Variants in SDK1 observed in about 807,000 individuals in gnomAD.
SDK1 encodes the protein sidekick cell adhesion molecule 1.
A neutral mutation model predicts 245.5 loss-of-function variants in SDK1; 157 were observed. The observed-to-expected ratio is 0.64, with a 90% CI of 0.56 to 0.73. The LOEUF (loss-of-function observed/expected upper bound fraction) is 0.73, where lower values mean the gene tolerates loss of function less well. Ranked by LOEUF, SDK1 falls within the 30% of genes least tolerant of loss-of-function variation. The pLI is 0.00. For synonymous variants in SDK1, 1,647 were observed against 1,278.5 expected, an observed-to-expected ratio of 1.29 and a Z score of -6.15; for missense variants, 3,583 against 3,002.3, an observed-to-expected ratio of 1.19 and a Z score of -4.52.
intron 4 of SDK1, among the ~76,000 whole-genome samples, chr7:3,749,286 G>A (rs747980013): frequency 1.3e-5 from 2 of 151,406 alleles, no homozygotes; most frequent in East Asian, 2.0e-4. Context: ...ACAGGTGTGT[G>A]CCACCACGCC....
rs1339527979 is a variant in SDK1 at position 4,175,796 on chromosome 7, T to C, written c.4958T>C (p.Val1653Ala). 1 of 1,613,968 alleles carries C rather than the reference T, an allele frequency of 6.2e-7. No homozygotes were observed. The highest frequency in any genetic ancestry group is 8.5e-7 in the Non-Finnish European group (1 of 1,180,010). ...ELTAQSSFKT[V>A]NSSSTSTMCE... ...ATAGCCCAAAGCAGCTTCAAGACGG[T>C]GAACAGCAGCTCCACATCGACGATG... Residue 1653 changes from valine to alanine, a missense_variant, in exon 34 of 45, where the codon GTG becomes GCG. Transcript: ENST00000404826.
intron 32 of SDK1, among the ~76,000 whole-genome samples, chr7:4,173,259 C>T (rs996864625): frequency 1.3e-5 from 2 of 152,228 alleles, no homozygotes; most frequent in African/African-American, 4.8e-5. Context: ...TGCTCGGAGG[C>T]TCAGCACCCA....
At chr7:3,747,699 GT>G (rs1374850372) in intron 4 of SDK1, among the ~76,000 whole-genome samples, 1,203 of 101,520 alleles carry the variant, frequency 0.012, 20 homozygotes, top group African/African-American at 0.1. Context: ...TTAGCCTGGG[GT>G]GTGTGTGTGT....
intron 35 of SDK1, among the ~76,000 whole-genome samples, chr7:4,198,849 T>C (rs1042539226): frequency 1.3e-5 from 2 of 151,578 alleles, no homozygotes; most frequent in African/African-American, 4.9e-5. Context: ...AGTCTTGCTT[T>C]GTCGCCCAGG....
intron 1 of SDK1, among the ~76,000 whole-genome samples, chr7:3,468,483 C>T (rs184237690): frequency 6.6e-6 from 1 of 152,302 alleles, no homozygotes; most frequent in Non-Finnish European, 1.5e-5. Flanking sequence ...ACCCCTTTCC[C>T]CATAGCCAGC....
At chr7:4,256,585 G>A (rs746913956) in intron 44 of SDK1, among the ~76,000 whole-genome samples, 11 of 152,364 alleles carry the variant, frequency 7.2e-5, no homozygotes, top group Admixed American at 3.9e-4. Flanking sequence ...GGTTTAAGAC[G>A]TTTATCCTCT....
chr7:3,600,155 C>G (rs10256761), intron 1 of SDK1, among the ~76,000 whole-genome samples: 84,365 of 151,858 alleles, frequency 0.56, 23,746 homozygotes, highest in South Asian at 0.76. Context: ...AAAGTTTATA[C>G]CTAAGTATAT....
intron 22 of SDK1, among the ~76,000 whole-genome samples, chr7:4,099,611 G>T (rs536040177): frequency 7.8e-6 from 1 of 128,492 alleles, no homozygotes. Context: ...ACTACCTCCA[G>T]GTGAGCTGCT....
chr7:3,318,042 T>G (rs975643896), intron 1 of SDK1, among the ~76,000 whole-genome samples: 1 of 152,208 alleles, frequency 6.6e-6, no homozygotes, highest in African/African-American at 2.4e-5. Context: ...TCATGAGTAT[T>G]TGTTCGCTGA....
chr7:3,969,993 T>A (rs184502693), intron 11 of SDK1, among the ~76,000 whole-genome samples: 183 of 152,382 alleles, frequency 1.2e-3, no homozygotes, highest in African/African-American at 4.0e-3. Flanking sequence ...TTTGCACTTT[T>A]TAAAATCAAG....
At chr7:4,123,229 A>C (rs927709952) in intron 25 of SDK1, among the ~76,000 whole-genome samples, 2 of 152,212 alleles carry the variant, frequency 1.3e-5, no homozygotes, top group Non-Finnish European at 2.9e-5. Flanking sequence ...TTTTGCAGAC[A>C]GGGACAGAGG....
intron 1 of SDK1, among the ~76,000 whole-genome samples, chr7:3,573,669 G>A (rs377611116): frequency 2.6e-5 from 4 of 151,914 alleles, no homozygotes; most frequent in African/African-American, 4.8e-5. Context: ...GAGTTGAGTC[G>A]GTACTCCTGA....
At chr7:3,989,556 G>A (rs1249570164) in intron 14 of SDK1, among the ~76,000 whole-genome samples, 1 of 152,148 alleles carries the variant, frequency 6.6e-6, no homozygotes, top group African/African-American at 2.4e-5. Context: ...TCGGCCTGTG[G>A]TTGTCTCTGG....
chr7:3,437,746 C>G (rs1435486385), intron 1 of SDK1, among the ~76,000 whole-genome samples: 1 of 152,124 alleles, frequency 6.6e-6, no homozygotes, highest in Non-Finnish European at 1.5e-5. Flanking sequence ...CGGATCCTGT[C>G]TCTGCCAAAA....
In SDK1 at chr7:4,268,452, A is replaced by G. The variant is rs935310068; in HGVS notation, c.*3068A>G. On this transcript the variant is annotated 3_prime_UTR_variant, in exon 45 of 45. Coordinates refer to ENST00000404826, the MANE Select transcript of SDK1 (RefSeq NM_152744.4). ...TCAGCCTCTCTCCCAGCCTGCTTTT[A>G]TAAGGCGCACTTCACTCAATGCTGT... 4.4e-6 allele frequency: 5 copies of G among 1,130,614 alleles called. No individual in the cohort carries two copies. The highest frequency in any genetic ancestry group is 8.1e-4 in the Middle Eastern group (2 of 2,474). The allele number at this position is 1,130,614 out of a possible 1,614,324, so 70.0% of individuals were successfully genotyped here. A position where few individuals can be genotyped will look rare whatever the true frequency, so the allele number is the denominator to read the frequency against.
At chr7:3,678,079 T>C (rs1209804673) in intron 4 of SDK1, among the ~76,000 whole-genome samples, 4 of 152,146 alleles carry the variant, frequency 2.6e-5, no homozygotes, top group Non-Finnish European at 5.9e-5. Flanking sequence ...AAACCACAAT[T>C]AGACACAACT....
intron 5 of SDK1, among the ~76,000 whole-genome samples, chr7:3,825,233 T>G (rs1390033124): frequency 6.6e-6 from 1 of 151,994 alleles, no homozygotes; most frequent in African/African-American, 2.4e-5. Flanking sequence ...TTTTTGGCTT[T>G]TGCTTTGAAG....
chr7:4,192,711 C>T (rs1345520476), intron 35 of SDK1, among the ~76,000 whole-genome samples: 1 of 152,030 alleles, frequency 6.6e-6, no homozygotes, highest in Non-Finnish European at 1.5e-5. Context: ...CTCCCTTTTT[C>T]AATGATCTGG....
chr7:4,209,332 G>A (rs954446455), intron 37 of SDK1, among the ~76,000 whole-genome samples: 2 of 152,182 alleles, frequency 1.3e-5, no homozygotes, highest in Non-Finnish European at 1.5e-5. Flanking sequence ...AGCAGCGAGG[G>A]GCACCAGGGC....
Sources: gnomAD v4.1 joint callset for allele counts (sites outside exome capture counted in the v4.1 genomes callset) on GRCh38, gnomAD v4.1.1 for gene constraint, MANE v1.5 for transcripts, NCBI Gene and HGNC (gene_info 2026-07-23, HGNC 2026-07-21) for gene names.